Variants in PRR16 observed in about 807,000 individuals in gnomAD.
The protein encoded by PRR16 is proline rich 16.
Under a neutral mutation model 18.2 loss-of-function variants are expected in PRR16, and 6 were observed. That is an observed-to-expected ratio of 0.33 (90% confidence interval 0.18 to 0.65). The LOEUF (loss-of-function observed/expected upper bound fraction) is 0.65. PRR16 is among the 30% of genes least tolerant of loss of function. The pLI, the probability that PRR16 is intolerant of heterozygous loss-of-function variation, is 0.74. For missense variants in PRR16, 412 were observed against 376.6 expected (o/e 1.09, Z -0.78); for synonymous variants, 151 against 147.8 (o/e 1.02, Z -0.16).
intron 1 of PRR16, among the ~76,000 whole-genome samples, chr5:120,667,994 A>T (rs547160673): frequency 9.9e-4 from 151 of 152,144 alleles, no homozygotes; most frequent in African/African-American, 3.6e-3. Context: ...GCTGAGTTCA[A>T]TTCCTGGGTA....
chr5:120,726,403 G>A, the PRR16 span, among the ~76,000 whole-genome samples: 5 of 151,898 alleles, frequency 3.3e-5, no homozygotes, highest in East Asian at 3.9e-4. Flanking sequence ...AGACAGTAAC[G>A]TCTGCACAAC....
At chr5:120,557,949 C>T (rs973831380) in intron 1 of PRR16, among the ~76,000 whole-genome samples, 2 of 151,752 alleles carry the variant, frequency 1.3e-5, no homozygotes, top group Non-Finnish European at 2.9e-5. Context: ...GATTTAATAG[C>T]ACAAAGTATA....
chr5:120,593,646 C>T (rs1051430498), intron 1 of PRR16, among the ~76,000 whole-genome samples: 7 of 152,110 alleles, frequency 4.6e-5, no homozygotes, highest in African/African-American at 1.2e-4. Context: ...CTCTCCAATT[C>T]ATTCCATGAG....
the PRR16 span, among the ~76,000 whole-genome samples, chr5:120,718,862 A>G: frequency 6.6e-5 from 10 of 152,110 alleles, no homozygotes; most frequent in African/African-American, 1.7e-4. Context: ...CTAATGAAAC[A>G]GTAAAAGATT....
chr5:120,612,186 A>G (rs1015687406), intron 1 of PRR16, among the ~76,000 whole-genome samples: 4 of 152,192 alleles, frequency 2.6e-5, no homozygotes, highest in Non-Finnish European at 4.4e-5. Context: ...AGGAAGAAAC[A>G]TTGTTTCTAG....
chr5:120,604,434 G>A lies in PRR16; in HGVS notation c.160-81520G>A, dbSNP rs546478208. ...TTCTCTATCCCTTTATTTTCAGCCT[G>A]TAGGGTCACTGCAGATGATATGGGT... On this transcript the variant is annotated intron_variant, in intron 1 of 1. Transcript: ENST00000407149. Among the ~76,000 whole-genome samples the A allele has an allele frequency of 2.5e-3, 374 of 152,100 alleles. 2 individuals carry two copies. Among genetic ancestry groups the A allele is most frequent in the African/African-American group, 8.5e-3 (353 of 41,518 alleles).
intron 1 of PRR16, among the ~76,000 whole-genome samples, chr5:120,534,235 GAGAT>G (rs1439956140): frequency 6.6e-6 from 1 of 152,196 alleles, no homozygotes; most frequent in Non-Finnish European, 1.5e-5. Flanking sequence ...ATCACTAAGA[GAGAT>G]AGAGCAGAGG....
intron 1 of PRR16, among the ~76,000 whole-genome samples, chr5:120,659,860 A>G (rs1377170529): frequency 6.6e-6 from 1 of 152,046 alleles, no homozygotes; most frequent in African/African-American, 2.4e-5. Flanking sequence ...CTTGATGCTT[A>G]AAAAGAGTGA....
At chr5:120,587,240 A>C (rs193268141) in intron 1 of PRR16, among the ~76,000 whole-genome samples, 22 of 152,352 alleles carry the variant, frequency 1.4e-4, no homozygotes, top group Admixed American at 8.5e-4. Flanking sequence ...ATAAAAGTGC[A>C]ATATAAAGCA....
chr5:120,705,326 G>A, the PRR16 span, among the ~76,000 whole-genome samples: 1 of 152,014 alleles, frequency 6.6e-6, no homozygotes, highest in Admixed American at 6.6e-5. Flanking sequence ...TGCCAGAAAT[G>A]TTATATTCTT....
chr5:120,509,115 T>C (rs951176840), intron 1 of PRR16, among the ~76,000 whole-genome samples: 5 of 152,172 alleles, frequency 3.3e-5, no homozygotes, highest in Admixed American at 2.0e-4. Context: ...ATAGTGAATT[T>C]TTAATTAGCT....
chr5:120,681,881 CT>C (rs1230182340), intron 1 of PRR16, among the ~76,000 whole-genome samples: 1 of 152,086 alleles, frequency 6.6e-6, no homozygotes, highest in East Asian at 1.9e-4. Flanking sequence ...TTTATCATTG[CT>C]TTTCAGTGTT....
At chr5:120,635,310 C>T (rs961338736) in intron 1 of PRR16, among the ~76,000 whole-genome samples, 10 of 151,880 alleles carry the variant, frequency 6.6e-5, no homozygotes, top group South Asian at 6.3e-4. Context: ...AAGAACATAA[C>T]GAAAAAGGAA....
chr5:120,642,260 GT>G (rs60631674), intron 1 of PRR16, among the ~76,000 whole-genome samples: 65,345 of 148,726 alleles, frequency 0.44, 14,709 homozygotes, highest in Middle Eastern at 0.56. Flanking sequence ...TTCAACAGCT[GT>G]TTTTTTTTTT....
chr5:120,608,645 T>C (rs1382313336), intron 1 of PRR16, among the ~76,000 whole-genome samples: 2 of 152,208 alleles, frequency 1.3e-5, no homozygotes, highest in African/African-American at 4.8e-5. Context: ...CAGGAATTTT[T>C]CTATTAGGCT....
At chr5:120,688,408 G>A (rs1016335178), downstream of PRR16, among the ~76,000 whole-genome samples, 11 of 152,054 alleles carry the variant, frequency 7.2e-5, no homozygotes, top group South Asian at 8.3e-4. Flanking sequence ...CCATAATCAA[G>A]AAAGACCATA....
chr5:120,565,275 A>G (rs553946096), intron 1 of PRR16, among the ~76,000 whole-genome samples: 1 of 152,268 alleles, frequency 6.6e-6, no homozygotes, highest in Admixed American at 6.5e-5. Flanking sequence ...GAACTTTTCA[A>G]TTTCTTTATG....
the PRR16 span, among the ~76,000 whole-genome samples, chr5:120,791,304 GCTTT>G: frequency 6.6e-6 from 1 of 151,908 alleles, no homozygotes; most frequent in Admixed American, 6.6e-5. Context: ...ATAAAATTGT[GCTTT>G]CTGTTTTCTA....
chr5:120,518,095 G>T (rs1262561196), intron 1 of PRR16, among the ~76,000 whole-genome samples: 1 of 152,128 alleles, frequency 6.6e-6, no homozygotes, highest in African/African-American at 2.4e-5. Context: ...CTATGACCCG[G>T]ACATGTGACT....
Sources: gnomAD v4.1 joint callset for allele counts (sites outside exome capture counted in the v4.1 genomes callset) on GRCh38, gnomAD v4.1.1 for gene constraint, MANE v1.5 for transcripts, NCBI Gene and HGNC (gene_info 2026-07-23, HGNC 2026-07-21) for gene names.